The following MMP16 variants were observed in gnomAD, a reference collection of about 807,000 sequenced individuals.
The protein encoded by MMP16 is matrix metalloproteinase-16.
MMP16 carries 12 observed loss-of-function variants against 67.8 expected under a neutral mutation model. The observed-to-expected ratio is 0.18, with a 90% CI of 0.11 to 0.29. The LOEUF (loss-of-function observed/expected upper bound fraction) is 0.29, where lower values mean the gene tolerates loss of function less well. Among genes scored for constraint, MMP16 ranks in the 10% least tolerant of loss-of-function variants. MMP16 has a pLI of 1.00. For synonymous variants in MMP16, 249 were observed against 255.9 expected (o/e 0.97, Z 0.26); for missense variants, 475 against 765.7 (o/e 0.62, Z 4.48).
At chr8:88,261,402 G>C (rs1810386226) in intron 1 of MMP16, among the ~76,000 whole-genome samples, 1 of 151,932 alleles carries the variant, frequency 6.6e-6, no homozygotes, top group South Asian at 2.1e-4. Flanking sequence ...AGTTTTATGA[G>C]GGGGAAAAAA....
chr8:88,078,322 T>C (rs577797658), intron 6 of MMP16, among the ~76,000 whole-genome samples: 4 of 152,328 alleles, frequency 2.6e-5, no homozygotes, highest in East Asian at 3.9e-4. Context: ...TTATTTTCCA[T>C]GTAGCATAGA....
chr8:88,110,770 A>G (rs1344471279), intron 6 of MMP16, among the ~76,000 whole-genome samples: 1 of 151,702 alleles, frequency 6.6e-6, no homozygotes, highest in Non-Finnish European at 1.5e-5. Context: ...TTATGGCCAT[A>G]TACTATAATT....
chr8:88,128,561 C>T (rs1321927045), intron 4 of MMP16, among the ~76,000 whole-genome samples: 1 of 151,140 alleles, frequency 6.6e-6, no homozygotes, highest in Non-Finnish European at 1.5e-5. Context: ...ATCGCAGACT[C>T]TTGACAGTTT....
intron 4 of MMP16, among the ~76,000 whole-genome samples, chr8:88,155,156 T>G (rs147845575): frequency 1.2e-3 from 176 of 152,208 alleles, no homozygotes; most frequent in African/African-American, 4.1e-3. Flanking sequence ...ATCTTTATAT[T>G]ATGTTACTAC....
chr8:88,253,675 A>G (rs1430170131), intron 1 of MMP16, among the ~76,000 whole-genome samples: 14 of 151,888 alleles, frequency 9.2e-5, no homozygotes. Context: ...TAATGTCAAT[A>G]TATTATTTAA....
At chr8:88,129,034 T>C (rs560681228) in intron 4 of MMP16, among the ~76,000 whole-genome samples, 3 of 151,838 alleles carry the variant, frequency 2.0e-5, no homozygotes, top group African/African-American at 7.2e-5. Context: ...TAACCAGAAA[T>C]CAAGTGAAAA....
chr8:88,326,549 G>GA lies in MMP16; in HGVS notation c.132+525dup, dbSNP rs66901270. ...ACAGTGTATTAAGTTATGTCTAAAT[G>GA]AAAAAAAAAAAGATTCTCAAGTGTT... On this transcript the variant is annotated intron_variant, in intron 1 of 9. Transcript: ENST00000286614. Among the ~76,000 whole-genome samples the GA allele has an allele frequency of 4.5e-3, 650 of 143,314 alleles. 4 individuals carry two copies. The highest frequency in any genetic ancestry group is 0.019 in the South Asian group (87 of 4,574). The allele number at this position is 143,314 out of a possible 152,430, so 94.0% of individuals were successfully genotyped here.
chr8:88,107,867 G>A (rs946794399), intron 6 of MMP16, among the ~76,000 whole-genome samples: 4 of 151,136 alleles, frequency 2.6e-5, no homozygotes, highest in Non-Finnish European at 4.5e-5. Flanking sequence ...GAAATGCAGA[G>A]ATAAGCTGTC....
Position 88,058,086 on chromosome 8 carries a change from A to T in MMP16, c.1223-1808T>A, listed in dbSNP as rs1227968057. Among the ~76,000 whole-genome samples the T allele has an allele frequency of 6.6e-6, 1 of 152,180 alleles. No homozygotes were observed. The highest frequency in any genetic ancestry group is 1.5e-5 in the Non-Finnish European group (1 of 68,028). ...AGAAAGAGAAGGTAATAAATATGCA[A>T]AGAATATTGGGAAGTGCATTCAGAG... On this transcript the variant is annotated intron_variant, in intron 7 of 9. Coordinates refer to ENST00000286614, the MANE Select transcript of MMP16 (RefSeq NM_005941.5). The surrounding 1 kb of genome is among the most constrained non-coding windows in gnomAD (Gnocchi z 4.2).
chr8:88,188,584 G>A (rs751928867), intron 2 of MMP16, among the ~76,000 whole-genome samples: 1 of 151,894 alleles, frequency 6.6e-6, no homozygotes. Context: ...AATGAAGGCA[G>A]TAATGTCATG....
intron 4 of MMP16, among the ~76,000 whole-genome samples, chr8:88,161,301 TC>T (rs1055721319): frequency 6.6e-6 from 1 of 152,230 alleles, no homozygotes; most frequent in African/African-American, 2.4e-5. Flanking sequence ...CAGGAATTTA[TC>T]CATTTCTTCT....
intron 2 of MMP16, among the ~76,000 whole-genome samples, chr8:88,187,988 G>A (rs1224660606): frequency 6.6e-6 from 1 of 152,188 alleles, no homozygotes; most frequent in Non-Finnish European, 1.5e-5. Context: ...CTCTCAGGAG[G>A]TGAGATCAGA....
rs756165796 is a variant in MMP16, at chr8:88,041,483, C to T, written c.1802G>A (p.Arg601His). The stretch of plus-strand genomic sequence containing the variant: ...ACATCACACCCACTCTTGCATAGAG[C>T]GTTTACAGTACAGTATGTGGCGGGG... The part of the protein sequence containing the change: ...GTPRHILYCK[R>H]SMQEWV The change falls in exon 10 of 10, where the codon CGC (arginine) becomes CAC (histidine). Residue 601 changes from arginine to histidine, a missense_variant. Around this residue, in one of 5 missense-constraint regions of MMP16, gnomAD observed 80 missense variants for 93.4 expected, o/e 0.86. Transcript: ENST00000286614. This position sits in a 1 kb window ranked among gnomAD's most constrained non-coding sequence, Gnocchi z 6.0. 9 of 1,613,904 alleles carry T rather than the reference C, an allele frequency of 5.6e-6. No individual in the cohort carries two copies. The highest frequency in any genetic ancestry group is 1.3e-5 in the African/African-American group (1 of 75,052).
intron 1 of MMP16, among the ~76,000 whole-genome samples, chr8:88,239,182 C>A (rs1809993655): frequency 6.7e-6 from 1 of 149,406 alleles, no homozygotes; most frequent in Non-Finnish European, 1.5e-5. Context: ...ATAATCCCAG[C>A]TACTTGGGAG....
intron 1 of MMP16, among the ~76,000 whole-genome samples, chr8:88,217,206 T>C (rs1388467994): frequency 2.0e-5 from 3 of 152,086 alleles, no homozygotes; most frequent in Non-Finnish European, 4.4e-5. Context: ...CTGCTTTAAA[T>C]AGATAATGGT....
intron 5 of MMP16, among the ~76,000 whole-genome samples, chr8:88,117,795 T>C (rs961330732): frequency 6.6e-6 from 1 of 152,046 alleles, no homozygotes; most frequent in South Asian, 2.1e-4. Context: ...ACTTAAACTA[T>C]GCTGCTTAAA....
intron 4 of MMP16, among the ~76,000 whole-genome samples, chr8:88,160,623 T>C (rs959367647): frequency 6.6e-6 from 1 of 151,970 alleles, no homozygotes; most frequent in African/African-American, 2.4e-5. Flanking sequence ...CATTAAAAAG[T>C]CAGGAAACAA....
chr8:88,190,620 A>C (rs981468083), intron 2 of MMP16, among the ~76,000 whole-genome samples: 5 of 152,222 alleles, frequency 3.3e-5, no homozygotes, highest in African/African-American at 1.2e-4. Context: ...TGTTAGTAGC[A>C]TTCAAATATC....
intron 1 of MMP16, among the ~76,000 whole-genome samples, chr8:88,226,610 T>C (rs564538330): frequency 1.2e-3 from 190 of 152,216 alleles, no homozygotes; most frequent in African/African-American, 4.2e-3. Flanking sequence ...ACATAGATCA[T>C]GCTTGAAAAT....
Sources: allele counts gnomAD v4.1 joint callset (sites outside exome capture counted in the v4.1 genomes callset), GRCh38; gene constraint gnomAD v4.1.1; regional missense constraint gnomAD v4.1.1; non-coding constraint Gnocchi (gnomAD v3.1); transcripts MANE v1.5; gene names NCBI Gene and HGNC (gene_info 2026-07-23, HGNC 2026-07-21).